CEP350: variants seen among roughly 807,000 people sequenced by gnomAD.
The protein encoded by CEP350 is centrosome-associated protein 350.
Under a neutral mutation model 331.8 loss-of-function variants are expected in CEP350, and 126 were observed. The ratio of observed to expected loss-of-function variants is 0.38; its 90% confidence interval spans 0.33 to 0.44. The LOEUF (loss-of-function observed/expected upper bound fraction) is 0.44. Ranked by LOEUF, CEP350 falls within the 20% of genes least tolerant of loss-of-function variation. The pLI is 1.00. For missense variants in CEP350, 3,406 were observed against 3,634.6 expected (o/e 0.94, Z 1.62); for synonymous variants, 1,200 against 1,259.5 (o/e 0.95, Z 1.00).
intron 25 of CEP350, 22 bp from the exon 26 acceptor site, chr1:180,062,198 C>T (rs1392346817): frequency 6.3e-7 from 1 of 1,585,668 alleles, no homozygotes. Flanking sequence ...CTTAATCCCT[C>T]TCTTAACTCT....
In CEP350 at chr1:180,054,489, T is replaced by C; in HGVS notation, c.5249T>C (p.Leu1750Ser). 6.3e-7 allele frequency: 1 copy of C among 1,599,072 alleles called. No individual in the cohort carries two copies. The highest frequency in any genetic ancestry group is 8.5e-7 in the Non-Finnish European group (1 of 1,172,542). Residue 1750 changes from leucine to serine, a missense_variant, in exon 25 of 38, where the codon TTG becomes TCG. By Grantham distance (145) the Leu-to-Ser change is moderately radical. This residue lies in a region of CEP350 where 1,415 missense variants were observed against 1,512.3 expected (regional missense o/e 0.94). Transcript: ENST00000367607. ...AAACAGCGTGGTTTGCTTTTAAGGTTGCAGCAAGAAAAGGTATGTTAGGGA... is the reference window on the plus strand; with the variant it reads ...AAACAGCGTGGTTTGCTTTTAAGGTCGCAGCAAGAAAAGGTATGTTAGGGA... ...RKKQRGLLLR[L>S]QQEKAEIKRL...
Position 179,992,045 on chromosome 1 carries a change from A to G in CEP350, c.236-17A>G. On this transcript the variant is annotated splice_polypyrimidine_tract_variant and intron_variant, in intron 4 of 37. Transcript: ENST00000367607. ...TATTTTATATTATATGTTCTCACAG[A>G]TTTCCTTTTCCTTCAGATGGTAGAT... 1 of 1,512,888 alleles carries G rather than the reference A, an allele frequency of 6.6e-7. No individual in the cohort carries two copies. Among genetic ancestry groups the G allele is most frequent in the Non-Finnish European group, 8.8e-7 (1 of 1,137,500 alleles). The allele number at this position is 1,512,888 out of a possible 1,614,324, so 93.7% of individuals were successfully genotyped here. A position where few individuals can be genotyped will look rare whatever the true frequency, so the allele number is the denominator to read the frequency against.
intron 1 of CEP350, among the ~76,000 whole-genome samples, chr1:179,985,933 C>G (rs1036315793): frequency 1.3e-5 from 2 of 152,124 alleles, no homozygotes; most frequent in African/African-American, 4.8e-5. Flanking sequence ...TTTTTAGGAA[C>G]TGCCACACTG....
chr1:179,957,036 G>A (rs1650221774), intron 1 of CEP350, among the ~76,000 whole-genome samples: 1 of 151,580 alleles, frequency 6.6e-6, no homozygotes, highest in South Asian at 2.1e-4. Flanking sequence ...ATAACGTTTT[G>A]TTAATTATTG....
Position 180,084,070 on chromosome 1 carries a change from TGA to T in CEP350, c.6179_6180del (p.Glu2060ValfsTer38), listed in dbSNP as rs943513565. 6.2e-7 allele frequency: 1 copy of T among 1,602,270 alleles called. No individual in the cohort carries two copies. The highest frequency in any genetic ancestry group is 1.3e-5 in the African/African-American group (1 of 74,570). On this transcript the variant is annotated frameshift_variant, in exon 31 of 38. Transcript: ENST00000367607. LOFTEE classifies it high-confidence loss of function. ...IEGRIRALKDELRKRKSVVNQ... is the reference protein window; with the variant it reads ...IEGRIRALKDXLRKRKSVVNQ... ...AAGGTAGGATCAGAGCTCTGAAGGA[TGA>T]GTTGCGGAAAAGAAAATCAGTTGTG...
At chr1:180,033,576 A>G (rs1267465388) in intron 15 of CEP350, among the ~76,000 whole-genome samples, 1 of 152,146 alleles carries the variant, frequency 6.6e-6, no homozygotes, top group Non-Finnish European at 1.5e-5. Context: ...GTATATGTAC[A>G]CTGTAGAGGG....
chr1:179,971,978 A>G (rs1485176687), intron 1 of CEP350, among the ~76,000 whole-genome samples: 1 of 152,206 alleles, frequency 6.6e-6, no homozygotes, highest in Non-Finnish European at 1.5e-5. Flanking sequence ...TTCAGAGTAG[A>G]AAAGAACCTT....
At position 180,023,752 on chromosome 1, in the gene CEP350, C is replaced by T. The variant is rs115145000; in HGVS notation, c.3387-667C>T. Among the ~76,000 whole-genome samples the T allele has an allele frequency of 9.2e-3, 1,394 of 152,216 alleles. 22 individuals carry two copies. Among genetic ancestry groups the T allele is most frequent in the African/African-American group, 0.03 (1,237 of 41,536 alleles). The stretch of plus-strand genomic sequence containing the variant: ...GTCACATAGTAAGTGAATCAGACTT[C>T]GTTGGAGAGAATTTTCTCCCTATAT... On this transcript the variant is annotated intron_variant, in intron 13 of 37. Transcript: ENST00000367607.
At position 180,014,603 on chromosome 1, in the gene CEP350, A is replaced by T. The variant is rs1031205780; in HGVS notation, c.2052+98A>T. The T allele has an allele frequency of 2.4e-5, 26 of 1,081,370 alleles. No homozygotes were observed. In the African/African-American group the frequency reaches 3.8e-4, roughly 16 times the overall value. The allele number at this position is 1,081,370 out of a possible 1,614,324, so 67.0% of individuals were successfully genotyped here. A position where few individuals can be genotyped will look rare whatever the true frequency, so the allele number is the denominator to read the frequency against. On this transcript the variant is annotated intron_variant, in intron 10 of 37. Transcript: ENST00000367607. ...ATTACCCATCATTCCTAGTATGCTC[A>T]GATAATACTTATAATAATCATGGCC...
intron 15 of CEP350, among the ~76,000 whole-genome samples, chr1:180,033,139 T>C (rs1221030384): frequency 6.6e-6 from 1 of 152,142 alleles, no homozygotes; most frequent in Non-Finnish European, 1.5e-5. Context: ...ATTTATTCAG[T>C]AAATAAATAT....
intron 15 of CEP350, among the ~76,000 whole-genome samples, 192 bp from the exon 16 acceptor site, chr1:180,033,670 A>G (rs1336368780): frequency 6.6e-6 from 1 of 152,180 alleles, no homozygotes; most frequent in Non-Finnish European, 1.5e-5. Context: ...TCACCACTGT[A>G]ATTCTAGCAA....
intron 5 of CEP350, among the ~76,000 whole-genome samples, chr1:179,994,518 A>G (rs550385365): frequency 4.0e-5 from 6 of 150,060 alleles, no homozygotes; most frequent in Non-Finnish European, 7.4e-5. Flanking sequence ...CAGTGGCCCA[A>G]TCACAGCTCA....
intron 8 of CEP350, among the ~76,000 whole-genome samples, chr1:180,010,576 T>TCTTC (rs1654572203): frequency 6.6e-6 from 1 of 151,852 alleles, no homozygotes; most frequent in Non-Finnish European, 1.5e-5. Context: ...TCATTCTGTT[T>TCTTC]CTTCCTTCCT....
intron 37 of CEP350, among the ~76,000 whole-genome samples, chr1:180,104,832 C>T (rs1661053806): frequency 6.6e-6 from 1 of 152,100 alleles, no homozygotes; most frequent in Admixed American, 6.5e-5. Flanking sequence ...CAGTTTTAAT[C>T]CGCCACCTGA....
chr1:180,090,557 A>AAAAAAAAAAAAAAAAAAG (rs1660126484), intron 32 of CEP350, among the ~76,000 whole-genome samples, 157 bp from the exon 33 acceptor site: 1 of 92,298 alleles, frequency 1.1e-5, no homozygotes, highest in Non-Finnish European at 2.2e-5. Flanking sequence ...AAAAAAAAAA[A>AAAAAAAAAAAAAAAAAAG]AAAAAAAAAA....
intron 26 of CEP350, among the ~76,000 whole-genome samples, chr1:180,062,831 CTG>C (rs1161197098): frequency 6.6e-6 from 1 of 152,218 alleles, no homozygotes; most frequent in Non-Finnish European, 1.5e-5. Flanking sequence ...TGATTTCCCA[CTG>C]TCTTAATGTT....
chr1:180,012,212 T>A, intron 9 of CEP350, 137 bp downstream of exon 9: 1 of 734,522 alleles, frequency 1.4e-6, no homozygotes, highest in Non-Finnish European at 2.2e-6. Context: ...AAGAAAAAAA[T>A]GTTCTATTGG....
chr1:180,001,299 C>T lies in CEP350; in HGVS notation c.1019-1875C>T, dbSNP rs564312024. Among the ~76,000 whole-genome samples the T allele has an allele frequency of 2.0e-5, 3 of 152,224 alleles. No homozygotes were observed. The East Asian group carries it at 5.8e-4, about 29-fold the overall frequency. On this transcript the variant is annotated intron_variant, in intron 6 of 37. Transcript: ENST00000367607. ...TTTGAGACAGAGTCTCAGTCTGTCG[C>T]CCAGGCTGGAGTGCAGTGGCATAAT... is the stretch of plus-strand genomic sequence containing the variant.
At chr1:180,087,095 T>G (rs1468682721) in intron 31 of CEP350, 1 of 151,942 alleles carries the variant, frequency 6.6e-6, no homozygotes, top group Non-Finnish European at 1.5e-5. Context: ...CCAGGAAACT[T>G]TTTTTTTGTA....
Sources: gnomAD v4.1 joint callset for allele counts (sites outside exome capture counted in the v4.1 genomes callset) on GRCh38, gnomAD v4.1.1 for gene constraint, gnomAD v4.1.1 regional missense constraint, MANE v1.5 for transcripts, NCBI Gene and HGNC (gene_info 2026-07-23, HGNC 2026-07-21) for gene names.